IL6ST: variants seen among roughly 807,000 people sequenced by gnomAD.
IL6ST encodes interleukin-6 receptor subunit beta.
A neutral mutation model predicts 91.3 loss-of-function variants in IL6ST; 24 were observed. The ratio of observed to expected loss-of-function variants is 0.26; its 90% CI spans 0.19 to 0.37. The LOEUF (loss-of-function observed/expected upper bound fraction) is 0.37. IL6ST is among the 10% of genes least tolerant of loss of function. The pLI is 1.00. For missense variants in IL6ST, 914 were observed against 1,078.5 expected (o/e 0.85, Z 2.14); for synonymous variants, 351 against 373.6 (o/e 0.94, Z 0.70).
rs1359088593 is a variant in IL6ST, at chr5:55,938,301, C to T, written c.*2781G>A. 1.0e-5 allele frequency: 2 copies of T among 190,942 alleles called. No homozygotes were observed. The highest frequency in any genetic ancestry group is 2.2e-5 in the Non-Finnish European group (2 of 91,246). 11.8% of individuals were successfully genotyped at this position (190,942 alleles called of 1,614,324 possible). A position where few individuals can be genotyped will look rare whatever the true frequency, so the allele number is the denominator to read the frequency against. On this transcript the variant is annotated 3_prime_UTR_variant, in exon 17 of 17. Transcript: ENST00000381298. ...TGCTTTTTTTCCTTGCTGCTGTTCC[C>T]GAGTGCCGACTGATCCATAGTAAAA...
At chr5:55,965,624 T>C (rs966148962) in intron 5 of IL6ST, among the ~76,000 whole-genome samples, 3 of 151,562 alleles carry the variant, frequency 2.0e-5, no homozygotes, top group Admixed American at 6.6e-5. Flanking sequence ...CAGGTCTGGG[T>C]GAGGAAATAC....
At chr5:55,988,717 G>A (rs1384015288) in intron 1 of IL6ST, among the ~76,000 whole-genome samples, 1 of 148,138 alleles carries the variant, frequency 6.8e-6, no homozygotes, top group African/African-American at 2.5e-5. Flanking sequence ...AGTGAGCCGG[G>A]ATGTCGCCAC....
At position 55,956,227 on chromosome 5, in the gene IL6ST, A is replaced by T. The variant is rs146973784; in HGVS notation, c.1065T>A (p.Pro355=). The part of the protein sequence containing the change: ...RTVQLVWKTL[P]PFEANGKILD... ...AGATTTTTCCATTGGCTTCAAAAGG[A>T]GGCAATGTCTGTAATAAAATAGTTT... is the stretch of plus-strand genomic sequence containing the variant. Residue 355 remains proline, a synonymous_variant, in exon 10 of 17, where the codon CCT becomes CCA. Coordinates refer to ENST00000381298, the MANE Select transcript of IL6ST (RefSeq NM_002184.4). 7.6e-5 allele frequency: 120 copies of T among 1,571,066 alleles called. 1 individual carries two copies. In the East Asian group the frequency reaches 2.7e-3, roughly 35 times the overall value.
Position 55,954,768 on chromosome 5 carries a change from T to C in IL6ST, c.1450+42A>G, listed in dbSNP as rs1751855273. ...CAAAAGAAAAAGCTGCCTAAAGAGT[T>C]AGAAAAAGGATATCAATTTAGATGT... On this transcript the variant is annotated intron_variant, in intron 11 of 16. Coordinates refer to ENST00000381298, the MANE Select transcript of IL6ST (RefSeq NM_002184.4). The C allele has an allele frequency of 2.7e-6, 4 of 1,466,616 alleles. No homozygotes were observed. The South Asian group carries it at 5.2e-5, about 19-fold the overall frequency. The allele number at this position is 1,466,616 out of a possible 1,614,324, so 90.9% of individuals were successfully genotyped here.
Position 55,940,322 on chromosome 5 carries a change from TATC to T in IL6ST, c.*757_*759del. The T allele has an allele frequency of 4.8e-6, 1 of 210,120 alleles. No homozygotes were observed. Among genetic ancestry groups the T allele is most frequent in the African/African-American group, 2.3e-5 (1 of 44,238 alleles). The allele number at this position is 210,120 out of a possible 1,614,324, so 13.0% of individuals were successfully genotyped here. A position where few individuals can be genotyped will look rare whatever the true frequency, so the allele number is the denominator to read the frequency against. ...GATAGTTTGGGGGATCCCTAGCTCT[TATC>T]ATGGCACTCTGTTGAGTTTGTGAAA... On this transcript the variant is annotated 3_prime_UTR_variant, in exon 17 of 17. Coordinates refer to ENST00000381298, the MANE Select transcript of IL6ST (RefSeq NM_002184.4).
At chr5:55,985,488 T>A (rs1160355889) in intron 1 of IL6ST, among the ~76,000 whole-genome samples, 1 of 150,298 alleles carries the variant, frequency 6.7e-6, no homozygotes, top group Non-Finnish European at 1.5e-5. Flanking sequence ...ACCACTGCAC[T>A]CCAGCCTGGG....
intron 1 of IL6ST, among the ~76,000 whole-genome samples, chr5:55,985,779 C>T (rs1753929551): frequency 6.6e-6 from 1 of 152,194 alleles, no homozygotes; most frequent in Admixed American, 6.5e-5. Flanking sequence ...TATTTGGCTA[C>T]TCTCAATTCC....
chr5:55,945,297 G>A (rs1751176717), intron 15 of IL6ST, among the ~76,000 whole-genome samples: 1 of 152,062 alleles, frequency 6.6e-6, no homozygotes, highest in Non-Finnish European at 1.5e-5. Context: ...CATAAGAACG[G>A]ACATATATAC....
In IL6ST at chr5:55,951,998, C is replaced by T. The variant is rs375131282; in HGVS notation, c.1630G>A (p.Val544Ile). 1.5e-5 allele frequency: 24 copies of T among 1,588,910 alleles called. No homozygotes were observed. The African/African-American group carries it at 2.6e-4, about 17-fold the overall frequency. Residue 544 changes from valine to isoleucine, a missense_variant, in exon 13 of 17, where the codon GTT (valine) becomes ATT (isoleucine). Transcript: ENST00000381298. ...EAVLEWDQLP[V>I]DVQNGFIRNY... ...CTGATAAATCCATTCTGAACATCAA[C>T]AGGAAGTTGGTCCCACTCTAAGACA...
intron 11 of IL6ST, among the ~76,000 whole-genome samples, chr5:55,953,499 C>CCAGCCT (rs1413316098): frequency 1.3e-5 from 2 of 152,200 alleles, no homozygotes; most frequent in African/African-American, 2.4e-5. Context: ...AAGAGATTCT[C>CCAGCCT]CAGCCTCAGC....
intron 4 of IL6ST, 40 bp downstream of exon 4, chr5:55,969,510 G>A (rs951418618): frequency 2.2e-6 from 3 of 1,364,740 alleles, no homozygotes; most frequent in Non-Finnish European, 3.1e-6. Context: ...CAGTTCAATA[G>A]TCATGACAAA....
rs1750514707 is a variant in IL6ST at position 55,936,224 on chromosome 5, T to C, written c.*4858A>G. On this transcript the variant is annotated 3_prime_UTR_variant, in exon 17 of 17. Coordinates refer to ENST00000381298, the MANE Select transcript of IL6ST (RefSeq NM_002184.4). Reference sequence around the variant, plus strand: ...AGCAGGAGGATGCCATGTATCAATCTTGAACTTCAAGTCTCACTGCAACAA... The same window carrying C: ...AGCAGGAGGATGCCATGTATCAATCCTGAACTTCAAGTCTCACTGCAACAA... 1 of 228,454 alleles carries C rather than the reference T, an allele frequency of 4.4e-6. No individual in the cohort carries two copies. Among genetic ancestry groups the C allele is most frequent in the East Asian group, 6.2e-5 (1 of 16,020 alleles). 14.2% of individuals were successfully genotyped at this position (228,454 alleles called of 1,614,324 possible).
In IL6ST at chr5:55,960,264, A is replaced by G. The variant is rs1752231439; in HGVS notation, c.973+138T>C. The G allele has an allele frequency of 6.2e-6, 4 of 645,850 alleles. No homozygotes were observed. In the East Asian group the frequency reaches 1.1e-4, roughly 18 times the overall value. The allele number at this position is 645,850 out of a possible 1,614,324, so 40.0% of individuals were successfully genotyped here. On this transcript the variant is annotated intron_variant, in intron 8 of 16. Transcript: ENST00000381298. Reference sequence around the variant, plus strand: ...CAATTTTACATCTTAATGTCCTTAAAAATTAAAACGTTAAAATACTGCAGT... The same window carrying G: ...CAATTTTACATCTTAATGTCCTTAAGAATTAAAACGTTAAAATACTGCAGT...
intron 2 of IL6ST, among the ~76,000 whole-genome samples, 152 bp downstream of exon 2, chr5:55,982,572 A>T (rs1474659749): frequency 6.6e-6 from 1 of 152,192 alleles, no homozygotes; most frequent in Non-Finnish European, 1.5e-5. Context: ...TAACACTAGG[A>T]TATTATTTTA....
At position 55,942,682 on chromosome 5, in the gene IL6ST, G is replaced by A. The variant is rs1432378935; in HGVS notation, c.2007C>T (p.His669=). 6.3e-7 allele frequency: 1 copy of A among 1,593,784 alleles called. No individual in the cohort carries two copies. Among genetic ancestry groups the A allele is most frequent in the Admixed American group, 1.7e-5 (1 of 59,894 alleles). The change falls in exon 16 of 17, where the codon CAC becomes CAT. Residue 669 remains histidine, a synonymous_variant. Coordinates refer to ENST00000381298, the MANE Select transcript of IL6ST (RefSeq NM_002184.4). ...CATTTTCTCTTACCCTTGGAGGAGTGTGAGGTGACCACTGGGCAATATGAC... is the reference window on the plus strand; with the variant it reads ...CATTTTCTCTTACCCTTGGAGGAGTATGAGGTGACCACTGGGCAATATGAC... ...SKSHIAQWSP[H]TPPRHNFNSK...
At chr5:55,952,872 G>A (rs1272940376) in intron 11 of IL6ST, among the ~76,000 whole-genome samples, 1 of 152,106 alleles carries the variant, frequency 6.6e-6, no homozygotes, top group Admixed American at 6.5e-5. Context: ...GACCAGCATG[G>A]CCAACATGGT....
At chr5:55,974,960 C>T (rs983019506) in intron 3 of IL6ST, among the ~76,000 whole-genome samples, 211 of 146,200 alleles carry the variant, frequency 1.4e-3, no homozygotes, top group East Asian at 0.011. Flanking sequence ...CACACATACA[C>T]ACACACACAC....
At chr5:55,980,818 T>C (rs1427170881) in intron 2 of IL6ST, among the ~76,000 whole-genome samples, 1 of 152,232 alleles carries the variant, frequency 6.6e-6, no homozygotes, top group African/African-American at 2.4e-5. Flanking sequence ...CAATATTGTT[T>C]TATTAAATAT....
At chr5:55,960,637 T>TC (rs2111747297) in intron 7 of IL6ST, 76 bp from the exon 8 acceptor site, 1 of 1,430,814 alleles carries the variant, frequency 7.0e-7, no homozygotes, top group East Asian at 2.4e-5. Flanking sequence ...TTCAGAAACT[T>TC]TTTTTTTTGA....
Sources: gnomAD v4.1 joint callset for allele counts (sites outside exome capture counted in the v4.1 genomes callset) on GRCh38, gnomAD v4.1.1 for gene constraint, MANE v1.5 for transcripts, NCBI Gene and HGNC (gene_info 2026-07-23, HGNC 2026-07-21) for gene names.